GRM4: variants seen among roughly 807,000 people sequenced by gnomAD.
GRM4 encodes the protein metabotropic glutamate receptor 4.
Under a neutral mutation model 81.7 loss-of-function variants are expected in GRM4, and 28 were observed. The observed-to-expected ratio is 0.34, with a 90% CI of 0.25 to 0.47. The LOEUF (loss-of-function observed/expected upper bound fraction) is 0.47, where lower values mean the gene tolerates loss of function less well. GRM4 is among the 20% of genes least tolerant of loss of function. The probability of loss-of-function intolerance (pLI) is 1.00; values close to 1 mark genes in which losing one functional copy is unlikely to be tolerated. For synonymous variants in GRM4, 488 were observed against 528.8 expected (o/e 0.92, Z 1.06); for missense variants, 948 against 1,290.0 (o/e 0.73, Z 4.06).
chr6:34,077,864 C>T (rs1237369762), intron 3 of GRM4, among the ~76,000 whole-genome samples: 2 of 152,198 alleles, frequency 1.3e-5, no homozygotes, highest in African/African-American at 4.8e-5. Flanking sequence ...ATAACAATCT[C>T]AATGTCTCAA....
Position 34,064,400 on chromosome 6 carries a change from C to T in GRM4, c.737-2372G>A, listed in dbSNP as rs535734638. On this transcript the variant is annotated intron_variant, in intron 3 of 10. Coordinates refer to ENST00000538487, the MANE Select transcript of GRM4 (RefSeq NM_000841.4). The surrounding 1 kb of genome is among the most constrained non-coding windows in gnomAD (Gnocchi z 4.4). Reference sequence around the variant, plus strand: ...GCTTCCCCAGGATCACAAAGATAGTCAGGGGAAGAGGTGGGGTTTGAACTT... The same window carrying T: ...GCTTCCCCAGGATCACAAAGATAGTTAGGGGAAGAGGTGGGGTTTGAACTT... Among the ~76,000 whole-genome samples the T allele has an allele frequency of 6.6e-6, 1 of 152,276 alleles. No homozygotes were observed. The highest frequency in any genetic ancestry group is 2.1e-4 in the South Asian group (1 of 4,826).
intron 3 of GRM4, among the ~76,000 whole-genome samples, chr6:34,071,817 CCACA>C (rs1304171464): frequency 2.3e-5 from 2 of 87,474 alleles, no homozygotes; most frequent in Non-Finnish European, 4.9e-5. Context: ...CAGATACACA[CCACA>C]CACAGACAGC....
At position 34,092,585 on chromosome 6, in the gene GRM4, C is replaced by T. The variant is rs1768293305; in HGVS notation, c.520-486G>A. 6.6e-6 allele frequency among the ~76,000 whole-genome samples: 1 copy of T among 152,112 alleles called. No individual in the cohort carries two copies. On this transcript the variant is annotated intron_variant, in intron 2 of 10. Transcript: ENST00000538487. This position sits in a 1 kb window ranked among gnomAD's most constrained non-coding sequence, Gnocchi z 6.8. ...CCAGCTCAGCCTCCTTCCTCGTGCC[C>T]TGCTCAGAGGAGATGGAGCCTCGAT...
chr6:34,128,267 A>C (rs902908252), intron 2 of GRM4, among the ~76,000 whole-genome samples: 5 of 151,552 alleles, frequency 3.3e-5, no homozygotes, highest in Admixed American at 2.6e-4. Context: ...GGAGTCCCTC[A>C]TGCTGACTTA....
rs900543586 is a variant in GRM4 at position 34,047,442 on chromosome 6, G to C, written c.1169-6694C>G. ...CTTCTGTCCCTCAAGTCCTGTTCCCGAGTCCAGGCTCACCATCCCACAAGC... is the reference window on the plus strand; with the variant it reads ...CTTCTGTCCCTCAAGTCCTGTTCCCCAGTCCAGGCTCACCATCCCACAAGC... On this transcript the variant is annotated intron_variant, in intron 6 of 10. Transcript: ENST00000538487. The surrounding 1 kb of genome is among the most constrained non-coding windows in gnomAD (Gnocchi z 4.5). Among the ~76,000 whole-genome samples, 1 of 152,068 alleles carries C rather than the reference G, an allele frequency of 6.6e-6. No homozygotes were observed. The highest frequency in any genetic ancestry group is 2.4e-5 in the African/African-American group (1 of 41,390).
intron 2 of GRM4, among the ~76,000 whole-genome samples, chr6:34,120,240 C>T (rs1769756519): frequency 6.6e-6 from 1 of 151,630 alleles, no homozygotes; most frequent in Non-Finnish European, 1.5e-5. Context: ...CTCAGGCACC[C>T]CTCTCCAGCA....
intron 2 of GRM4, among the ~76,000 whole-genome samples, chr6:34,099,324 G>A (rs972839644): frequency 1.3e-5 from 2 of 152,218 alleles, no homozygotes; most frequent in African/African-American, 4.8e-5. Flanking sequence ...CAGCCTGCAG[G>A]GGAAGAGTCT....
intron 1 of GRM4, among the ~76,000 whole-genome samples, chr6:34,151,584 AGGTGACAGGCACG>A (rs962335321): frequency 3.9e-5 from 6 of 152,026 alleles, no homozygotes; most frequent in South Asian, 2.1e-4. Flanking sequence ...GGGAGCAGCC[AGGTGACAGGCACG>A]GGAGGGGCGC....
At chr6:34,105,311 G>T (rs913048805) in intron 2 of GRM4, among the ~76,000 whole-genome samples, 84 of 152,182 alleles carry the variant, frequency 5.5e-4, no homozygotes, top group African/African-American at 1.7e-3. Flanking sequence ...CCCCTGGGAG[G>T]GGAGTCAAAA....
chr6:34,148,684 C>G (rs1162600638), upstream of GRM4, among the ~76,000 whole-genome samples: 1 of 152,162 alleles, frequency 6.6e-6, no homozygotes, highest in Non-Finnish European at 1.5e-5. Context: ...GGTGGGAAAC[C>G]AGGAAGCCGA....
chr6:34,040,739 C>T lies in GRM4; in HGVS notation c.1178G>A (p.Arg393Gln), dbSNP rs773610073. The T allele has an allele frequency of 5.0e-6, 8 of 1,613,100 alleles. No homozygotes were observed. The highest frequency in any genetic ancestry group is 3.3e-5 in the South Asian group (3 of 91,062). ...CTCATAAGCTGAATCCTGCCCAATT[C>T]GCTCACGGTCTGCAATGAAACACCA... ...SHVKKCTNRERIGQDSAYEQE... is the reference protein window; with the variant it reads ...SHVKKCTNREQIGQDSAYEQE... The change falls in exon 7 of 11, where the codon CGA (arginine) becomes CAA (glutamine). Residue 393 changes from arginine (R) to glutamine (Q), a missense_variant. Transcript: ENST00000538487.
At chr6:34,088,192 G>C (rs2499710) in intron 3 of GRM4, among the ~76,000 whole-genome samples, 2 of 152,026 alleles carry the variant, frequency 1.3e-5, no homozygotes, top group African/African-American at 4.8e-5. Context: ...GCGCAATCTC[G>C]GCTCACTGCA....
chr6:34,128,379 CT>C (rs547672333), intron 2 of GRM4, among the ~76,000 whole-genome samples: 4,686 of 132,618 alleles, frequency 0.035, 87 homozygotes, highest in African/African-American at 0.087. Context: ...TTTTTCTTTT[CT>C]TTTTTTTTTT....
chr6:34,110,688 G>T, intron 2 of GRM4: 1 of 1,513,540 alleles, frequency 6.6e-7, no homozygotes, highest in Non-Finnish European at 8.9e-7. Flanking sequence ...CCAGGAGCGT[G>T]TGTCTGCCTC....
In GRM4 at chr6:34,121,287, C is replaced by T. The variant is rs944601864; in HGVS notation, c.519+11691G>A. Among the ~76,000 whole-genome samples the T allele has an allele frequency of 2.6e-5, 4 of 152,234 alleles. No homozygotes were observed. Among genetic ancestry groups the T allele is most frequent in the African/African-American group, 9.6e-5 (4 of 41,452 alleles). On this transcript the variant is annotated intron_variant, in intron 2 of 10. Coordinates refer to ENST00000538487, the MANE Select transcript of GRM4 (RefSeq NM_000841.4). The surrounding 1 kb of genome is among the most constrained non-coding windows in gnomAD (Gnocchi z 4.6). ...ATTCCCTGGGATTAAGGGTTGTTCTCTTCCAGCTGCTCTGCTGTGGGGACC... is the reference window on the plus strand; with the variant it reads ...ATTCCCTGGGATTAAGGGTTGTTCTTTTCCAGCTGCTCTGCTGTGGGGACC...
chr6:34,153,830 G>A (rs1771094067), intron 1 of GRM4, among the ~76,000 whole-genome samples: 1 of 151,894 alleles, frequency 6.6e-6, no homozygotes. Context: ...GGGAGGCTGA[G>A]GCATGAGAAT....
intron 5 of GRM4, among the ~76,000 whole-genome samples, chr6:34,057,416 G>A (rs1332521190): frequency 6.6e-6 from 1 of 152,180 alleles, no homozygotes; most frequent in Non-Finnish European, 1.5e-5. Flanking sequence ...CAAAATGACC[G>A]GCCACGTGGC....
chr6:34,154,938 CG>C, intron 1 of GRM4: 1 of 625,648 alleles, frequency 1.6e-6, no homozygotes, highest in Non-Finnish European at 2.4e-6. Context: ...GCCCGGTGGC[CG>C]AACGCCCTCA....
At chr6:34,154,836 TGAG>T (rs1432991623) in intron 1 of GRM4, among the ~76,000 whole-genome samples, 1 of 152,092 alleles carries the variant, frequency 6.6e-6, no homozygotes, top group Non-Finnish European at 1.5e-5. Flanking sequence ...GCAAGATCGC[TGAG>T]AAGAACGTGA....
Sources: gnomAD v4.1 joint callset for allele counts (sites outside exome capture counted in the v4.1 genomes callset) on GRCh38, gnomAD v4.1.1 for gene constraint, Gnocchi (gnomAD v3.1) non-coding constraint, MANE v1.5 for transcripts, NCBI Gene and HGNC (gene_info 2026-07-23, HGNC 2026-07-21) for gene names.